The following HECW1 variants were observed in gnomAD, a reference collection of about 807,000 sequenced individuals.
HECW1 encodes the protein HECT, C2 and WW domain containing E3 ubiquitin protein ligase 1.
HECW1 carries 61 observed loss-of-function variants against 182.3 expected under a neutral mutation model. The observed-to-expected ratio is 0.33, with a 90% CI of 0.27 to 0.41. The LOEUF (loss-of-function observed/expected upper bound fraction) is 0.41, where lower values mean the gene tolerates loss of function less well. HECW1 is among the 10% of genes least tolerant of loss of function. The pLI, the probability that HECW1 is intolerant of heterozygous loss-of-function variation, is 1.00. For missense variants in HECW1, 1,739 were observed against 2,108.9 expected (o/e 0.82, Z 3.44); for synonymous variants, 859 against 832.6 (o/e 1.03, Z -0.55).
chr7:43,242,468 G>A lies in HECW1; in HGVS notation c.-31-1407G>A, dbSNP rs75151919. Among the ~76,000 whole-genome samples, 443 of 152,312 alleles carry A rather than the reference G, an allele frequency of 2.9e-3. 1 individual carries two copies. Among genetic ancestry groups the A allele is most frequent in the Middle Eastern group, 0.014 (4 of 294 alleles). ...AAGTTCCTGACAGGGAGCTCTAAGCGGCAGAGGAACCATGACTAAGGCTAG... is the reference window on the plus strand; with the variant it reads ...AAGTTCCTGACAGGGAGCTCTAAGCAGCAGAGGAACCATGACTAAGGCTAG... On this transcript the variant is annotated intron_variant, in intron 2 of 29. Coordinates refer to ENST00000395891, the MANE Select transcript of HECW1 (RefSeq NM_015052.5).
rs532897368 is a variant in HECW1, at chr7:43,415,174, T to C, written c.801+7443T>C. On this transcript the variant is annotated intron_variant, in intron 8 of 29. Coordinates refer to ENST00000395891, the MANE Select transcript of HECW1 (RefSeq NM_015052.5). ...TTTTGCAGCGGCTGGTACCGGTTGT[T>C]CCTTTCCATGTTTAGCACTTCCTTC... Among the ~76,000 whole-genome samples, 217 of 151,564 alleles carry C rather than the reference T, an allele frequency of 1.4e-3. 1 individual carries two copies. The highest frequency in any genetic ancestry group is 5.1e-3 in the African/African-American group (211 of 41,214).
intron 2 of HECW1, among the ~76,000 whole-genome samples, chr7:43,172,741 C>T (rs1194011662): frequency 6.6e-6 from 1 of 152,166 alleles, no homozygotes. Flanking sequence ...GAAGTCTGCC[C>T]TCATTATAAG....
intron 2 of HECW1, among the ~76,000 whole-genome samples, chr7:43,131,157 T>C (rs1377617257): frequency 6.6e-6 from 1 of 152,128 alleles, no homozygotes; most frequent in Non-Finnish European, 1.5e-5. Flanking sequence ...TCCCAGCTAC[T>C]TGGGAGGCTG....
chr7:43,363,169 C>A (rs533166858), intron 6 of HECW1, among the ~76,000 whole-genome samples: 1 of 152,292 alleles, frequency 6.6e-6, no homozygotes, highest in African/African-American at 2.4e-5. Context: ...AAGCAAGAGG[C>A]CAACTGCCCA....
At chr7:43,381,114 C>A (rs1045512772) in intron 6 of HECW1, among the ~76,000 whole-genome samples, 1 of 152,104 alleles carries the variant, frequency 6.6e-6, no homozygotes, top group African/African-American at 2.4e-5. Context: ...ATGTTAGGGA[C>A]CCCAGGTTTA....
intron 3 of HECW1, among the ~76,000 whole-genome samples, chr7:43,263,749 A>G (rs1202718575): frequency 6.6e-6 from 1 of 152,174 alleles, no homozygotes; most frequent in Non-Finnish European, 1.5e-5. Context: ...AGACAAAAGG[A>G]AGGGAGGGAG....
At chr7:43,343,997 C>G (rs1813358966) in intron 5 of HECW1, among the ~76,000 whole-genome samples, 1 of 151,884 alleles carries the variant, frequency 6.6e-6, no homozygotes, top group African/African-American at 2.4e-5. Flanking sequence ...TTGCATTTCT[C>G]TGATGACCAG....
chr7:43,314,025 C>G (rs6952799), intron 4 of HECW1, among the ~76,000 whole-genome samples: 10,606 of 152,122 alleles, frequency 0.07, 472 homozygotes, highest in Middle Eastern at 0.13. Context: ...CACTATATTG[C>G]CCAGGCTCAA....
At chr7:43,264,663 G>T (rs1454297680) in intron 3 of HECW1, among the ~76,000 whole-genome samples, 1 of 151,954 alleles carries the variant, frequency 6.6e-6, no homozygotes, top group Admixed American at 6.6e-5. Context: ...GGCTAACACA[G>T]TGAACCCCGT....
At chr7:43,501,117 T>C (rs963705953) in intron 20 of HECW1, 96 bp from the exon 21 acceptor site, 3 of 667,454 alleles carry the variant, frequency 4.5e-6, no homozygotes, top group Non-Finnish European at 5.2e-6. Flanking sequence ...TTGTGAGAAG[T>C]GTAAGTGCTG....
At chr7:43,275,218 A>G (rs1287281744) in intron 3 of HECW1, among the ~76,000 whole-genome samples, 1 of 152,240 alleles carries the variant, frequency 6.6e-6, no homozygotes, top group African/African-American at 2.4e-5. Context: ...TAGTAATACC[A>G]TAATATGGAA....
At chr7:43,153,846 TA>T (rs1789604231) in intron 2 of HECW1, among the ~76,000 whole-genome samples, 1 of 152,338 alleles carries the variant, frequency 6.6e-6, no homozygotes, top group African/African-American at 2.4e-5. Context: ...ATTGAGATAA[TA>T]TTTACTATTT....
At chr7:43,212,865 G>A (rs1329381536) in intron 2 of HECW1, among the ~76,000 whole-genome samples, 1 of 152,022 alleles carries the variant, frequency 6.6e-6, no homozygotes, top group African/African-American at 2.4e-5. Context: ...ATCTTATTTG[G>A]CTAGTTGGTT....
intron 2 of HECW1, among the ~76,000 whole-genome samples, chr7:43,186,825 A>G (rs1793459042): frequency 6.6e-6 from 1 of 152,236 alleles, no homozygotes; most frequent in East Asian, 1.9e-4. Context: ...GCCTAGAAGC[A>G]ATAGGTCATA....
chr7:43,224,328 G>A (rs1797239123), intron 2 of HECW1, among the ~76,000 whole-genome samples: 2 of 152,194 alleles, frequency 1.3e-5, no homozygotes, highest in South Asian at 4.1e-4. Flanking sequence ...TCATAGCCTA[G>A]TGGAGGCACT....
chr7:43,268,094 G>A (rs937973454), intron 3 of HECW1, among the ~76,000 whole-genome samples: 4 of 152,226 alleles, frequency 2.6e-5, no homozygotes, highest in Non-Finnish European at 4.4e-5. Context: ...TATAATTTAC[G>A]CATTTATTTT....
intron 3 of HECW1, among the ~76,000 whole-genome samples, chr7:43,292,897 A>T (rs996988268): frequency 2.0e-5 from 3 of 152,234 alleles, no homozygotes; most frequent in African/African-American, 7.2e-5. Context: ...TGCCCAGAAA[A>T]GCAAAGAAAG....
At chr7:43,477,984 T>C (rs929419834) in intron 16 of HECW1, among the ~76,000 whole-genome samples, 1 of 152,116 alleles carries the variant, frequency 6.6e-6, no homozygotes, top group African/African-American at 2.4e-5. Context: ...ATTAAAAAGT[T>C]GTCTTATGGT....
chr7:43,126,067 C>CTTTTTTTTTTTTTTTTTTTTTTT, intron 2 of HECW1, among the ~76,000 whole-genome samples: 1 of 103,984 alleles, frequency 9.6e-6, no homozygotes, highest in Non-Finnish European at 1.8e-5. Context: ...TTTGTTCTCA[C>CTTTTTTTTTTTTTTTTTTTTTTT]TTTTTTTTTT....
Sources: gnomAD v4.1 joint callset for allele counts (sites outside exome capture counted in the v4.1 genomes callset) on GRCh38, gnomAD v4.1.1 for gene constraint, MANE v1.5 for transcripts, NCBI Gene and HGNC (gene_info 2026-07-23, HGNC 2026-07-21) for gene names.